EVI5: variants seen among roughly 807,000 people sequenced by gnomAD.
The protein encoded by EVI5 is ecotropic viral integration site 5 protein homolog.
Under a neutral mutation model 112.0 loss-of-function variants are expected in EVI5, and 73 were observed. The observed-to-expected ratio is 0.65, with a 90% confidence interval of 0.54 to 0.79. The LOEUF is 0.79. Among genes scored for constraint, EVI5 ranks in the 30% least tolerant of loss-of-function variants. EVI5 has a pLI of 0.00. For synonymous variants in EVI5, 305 were observed against 319.9 expected, an observed-to-expected ratio of 0.95 and a Z score of 0.50; for missense variants, 900 against 968.8, an observed-to-expected ratio of 0.93 and a Z score of 0.94.
intron 1 of EVI5, among the ~76,000 whole-genome samples, chr1:92,765,220 T>TC: frequency 6.8e-6 from 1 of 147,182 alleles, no homozygotes; most frequent in African/African-American, 2.5e-5. Context: ...CCTTCCTTTT[T>TC]TTTTTTTTTT....
At chr1:92,539,324 C>T (rs1229410005) in intron 19 of EVI5, among the ~76,000 whole-genome samples, 4 of 151,962 alleles carry the variant, frequency 2.6e-5, no homozygotes, top group African/African-American at 2.4e-5. Flanking sequence ...GGGCGGATCA[C>T]GAGGTCAGGA....
chr1:92,697,878 C>T lies in EVI5; in HGVS notation c.747G>A (p.Gln249=), dbSNP rs1670558285. Residue 249 remains glutamine, a synonymous_variant, in exon 6 of 20, where the codon CAG becomes CAA. Transcript: ENST00000684568. ...CTTTTACCTGTATCATACATTCAAA[C>T]TGGTACATACAAAGGCCCAATTCTG... ...SMAELGLCMY[Q]FECMIQEHLP... 1 of 1,612,604 alleles carries T rather than the reference C, an allele frequency of 6.2e-7. No individual in the cohort carries two copies. The highest frequency in any genetic ancestry group is 8.5e-7 in the Non-Finnish European group (1 of 1,179,086).
chr1:92,586,525 T>C (rs1400254057), intron 18 of EVI5, among the ~76,000 whole-genome samples: 2 of 151,748 alleles, frequency 1.3e-5, no homozygotes, highest in African/African-American at 4.8e-5. Flanking sequence ...TGTTCTACCT[T>C]TGGTCATTGG....
At chr1:92,748,961 G>T (rs1359936390) in intron 1 of EVI5, among the ~76,000 whole-genome samples, 2 of 151,554 alleles carry the variant, frequency 1.3e-5, no homozygotes, top group Admixed American at 1.3e-4. Flanking sequence ...AGCTACTTGG[G>T]AGGCTGAGGC....
chr1:92,782,782 G>A (rs1025717191), intron 1 of EVI5, among the ~76,000 whole-genome samples: 1 of 152,004 alleles, frequency 6.6e-6, no homozygotes, highest in Non-Finnish European at 1.5e-5. Flanking sequence ...TTGATCTTTG[G>A]TGGTTCACTT....
intron 13 of EVI5, chr1:92,647,445 A>C: frequency 2.7e-6 from 1 of 366,464 alleles, no homozygotes; most frequent in Non-Finnish European, 5.3e-6. Flanking sequence ...AGCATACTTT[A>C]TCTGCCTTTG....
chr1:92,751,735 G>A (rs530954421), intron 1 of EVI5, among the ~76,000 whole-genome samples: 7 of 151,640 alleles, frequency 4.6e-5, no homozygotes, highest in South Asian at 2.1e-4. Context: ...TTTCCCAACC[G>A]GGCACAGTGG....
At chr1:92,523,992 G>A (rs985775038) in intron 19 of EVI5, among the ~76,000 whole-genome samples, 20 of 151,862 alleles carry the variant, frequency 1.3e-4, no homozygotes, top group African/African-American at 4.6e-4. Flanking sequence ...AGCTACTTGG[G>A]AGGCTGAGGC....
intron 18 of EVI5, among the ~76,000 whole-genome samples, chr1:92,587,229 T>C (rs1672949481): frequency 6.6e-6 from 1 of 152,182 alleles, no homozygotes; most frequent in African/African-American, 2.4e-5. Flanking sequence ...GTACGTATTT[T>C]CCTGACAATT....
At chr1:92,756,822 G>A in intron 1 of EVI5, 1 of 514,562 alleles carries the variant, frequency 1.9e-6, no homozygotes, top group Non-Finnish European at 4.0e-6. Context: ...AGGGCCTTGG[G>A]CACATGCGCA....
intron 19 of EVI5, among the ~76,000 whole-genome samples, chr1:92,532,472 C>A (rs1222704352): frequency 6.6e-6 from 1 of 152,162 alleles, no homozygotes; most frequent in East Asian, 1.9e-4. Flanking sequence ...TCCAAATCAA[C>A]AGAATATATG....
intron 15 of EVI5, among the ~76,000 whole-genome samples, chr1:92,624,689 C>CAAAAAAAAAAAAAAAAAAAA (rs141559165): frequency 1.9e-5 from 1 of 51,734 alleles, no homozygotes; most frequent in Non-Finnish European, 3.3e-5. Context: ...GTCTCTACTT[C>CAAAAAAAAAAAAAAAAAAAA]AAAAAAAAAA....
chr1:92,771,223 T>C (rs1683367512), intron 1 of EVI5, among the ~76,000 whole-genome samples: 1 of 152,108 alleles, frequency 6.6e-6, no homozygotes, highest in Non-Finnish European at 1.5e-5. Flanking sequence ...TTTCCTTTTA[T>C]AGTGGCTACT....
At chr1:92,595,297 C>G (rs1409207973) in intron 18 of EVI5, among the ~76,000 whole-genome samples, 1 of 151,474 alleles carries the variant, frequency 6.6e-6, no homozygotes, top group Non-Finnish European at 1.5e-5. Context: ...CCATCATTCT[C>G]AGCAAACTAT....
At chr1:92,647,891 T>C (rs1029325679) in intron 13 of EVI5, among the ~76,000 whole-genome samples, 5 of 151,652 alleles carry the variant, frequency 3.3e-5, no homozygotes, top group African/African-American at 1.2e-4. Flanking sequence ...TAGACCACCA[T>C]GCACCACCAT....
At chr1:92,574,179 T>C (rs1318290952) in intron 18 of EVI5, among the ~76,000 whole-genome samples, 2 of 152,134 alleles carry the variant, frequency 1.3e-5, no homozygotes, top group Non-Finnish European at 2.9e-5. Flanking sequence ...CCTGCAATCA[T>C]GGAGAGCTGT....
intron 18 of EVI5, among the ~76,000 whole-genome samples, chr1:92,603,448 G>A (rs1007747649): frequency 2.8e-4 from 43 of 152,014 alleles, no homozygotes; most frequent in Non-Finnish European, 5.6e-4. Context: ...CACCCTAAAT[G>A]TCCATCAATG....
chr1:92,727,681 T>G (rs1173174997), intron 2 of EVI5, among the ~76,000 whole-genome samples: 3 of 152,186 alleles, frequency 2.0e-5, no homozygotes, highest in African/African-American at 7.2e-5. Flanking sequence ...AGATTGTATT[T>G]TTAAAAGCAA....
chr1:92,561,543 T>C (rs1668529801), intron 19 of EVI5, among the ~76,000 whole-genome samples: 1 of 143,876 alleles, frequency 7.0e-6, no homozygotes, highest in Non-Finnish European at 1.5e-5. Context: ...CTGGCAGTCC[T>C]GATGAGACTG....
Sources: allele counts gnomAD v4.1 joint callset (sites outside exome capture counted in the v4.1 genomes callset), GRCh38; gene constraint gnomAD v4.1.1; transcripts MANE v1.5; gene names NCBI Gene and HGNC (gene_info 2026-07-23, HGNC 2026-07-21).